Variants in TMEM123 observed in about 807,000 individuals in gnomAD.
The protein encoded by TMEM123 is porimin.
In TMEM123, 16 loss-of-function variants were observed where a neutral mutation model predicts 19.7. The ratio of observed to expected loss-of-function variants is 0.81; its 90% confidence interval spans 0.55 to 1.23. The LOEUF (loss-of-function observed/expected upper bound fraction) is 1.23. Among genes scored for constraint, TMEM123 ranks in the 50% most tolerant of loss-of-function variants. TMEM123 has a pLI of 0.00. For missense variants in TMEM123, 313 were observed against 257.8 expected, an observed-to-expected ratio of 1.21 and a Z score of -1.47; for synonymous variants, 118 against 99.4, an observed-to-expected ratio of 1.19 and a Z score of -1.12.
chr11:102,402,111 T>C lies in TMEM123; in HGVS notation c.253A>G (p.Thr85Ala), dbSNP rs757843169. ...GCTGTAGGTTTCATGGTGGTGACCG[T>C]TGTATTACTGGAGTCTGAGGCAACT... is the stretch of plus-strand genomic sequence containing the variant. ...TSVASDSSNTTVTTMKPTAAS... is the reference protein window; with the variant it reads ...TSVASDSSNTAVTTMKPTAAS... The change falls in exon 3 of 5, where the codon ACG becomes GCG. Residue 85 changes from threonine to alanine, a missense_variant. Coordinates refer to ENST00000398136, the MANE Select transcript of TMEM123 (RefSeq NM_052932.3). 19 of 1,614,052 alleles carry C rather than the reference T, an allele frequency of 1.2e-5. No homozygotes were observed. In the Admixed American group the frequency reaches 2.2e-4, roughly 18 times the overall value.
intron 2 of TMEM123, among the ~76,000 whole-genome samples, chr11:102,435,753 T>A (rs1213178611): frequency 6.6e-6 from 1 of 151,670 alleles, no homozygotes; most frequent in African/African-American, 2.4e-5. Flanking sequence ...TAAAAGAGAA[T>A]GAAGTATGGA....
intron 2 of TMEM123, among the ~76,000 whole-genome samples, chr11:102,425,309 T>C (rs1308870881): frequency 3.9e-5 from 6 of 152,216 alleles, no homozygotes; most frequent in Non-Finnish European, 5.9e-5. Flanking sequence ...GGCAACAGCA[T>C]CATGCTCAAC....
chr11:102,439,875 A>G (rs1337961714), intron 2 of TMEM123, among the ~76,000 whole-genome samples: 2 of 152,274 alleles, frequency 1.3e-5, no homozygotes, highest in Non-Finnish European at 2.9e-5. Context: ...GATGGAGCTG[A>G]AAACCATGGT....
intron 2 of TMEM123, among the ~76,000 whole-genome samples, chr11:102,415,228 C>A (rs1027128901): frequency 2.0e-5 from 3 of 152,176 alleles, no homozygotes; most frequent in African/African-American, 7.2e-5. Flanking sequence ...GATAACCACA[C>A]AATAGTGGCG....
chr11:102,432,890 C>CA (rs1274948993), intron 2 of TMEM123, among the ~76,000 whole-genome samples: 2 of 147,476 alleles, frequency 1.4e-5, no homozygotes, highest in Non-Finnish European at 3.1e-5. Context: ...TCAGAGGGTG[C>CA]AAGCCCCAGG....
At chr11:102,418,170 C>T (rs1185220638) in intron 2 of TMEM123, among the ~76,000 whole-genome samples, 2 of 151,654 alleles carry the variant, frequency 1.3e-5, no homozygotes, top group African/African-American at 4.8e-5. Flanking sequence ...GCAACTGCAA[C>T]AAAAGCTAAA....
chr11:102,397,138 C>T lies in TMEM123; in HGVS notation c.*1729G>A, dbSNP rs1951864223. On this transcript the variant is annotated 3_prime_UTR_variant, in exon 5 of 5. Coordinates refer to ENST00000398136, the MANE Select transcript of TMEM123 (RefSeq NM_052932.3). The stretch of plus-strand genomic sequence containing the variant: ...TATTTTTCAGAAAATTTCCTCCATA[C>T]TCCATGTATGTGTTACATACATCCA... 1.3e-5 allele frequency: 2 copies of T among 152,180 alleles called. No homozygotes were observed. Among genetic ancestry groups the T allele is most frequent in the Non-Finnish European group, 1.5e-5 (1 of 68,034 alleles). 9.4% of individuals were successfully genotyped at this position (152,180 alleles called of 1,614,324 possible).
chr11:102,409,366 CTCTT>C (rs1951982756), intron 2 of TMEM123, among the ~76,000 whole-genome samples: 1 of 152,128 alleles, frequency 6.6e-6, no homozygotes, highest in Admixed American at 6.5e-5. Context: ...CCTTGAGAAT[CTCTT>C]TCCTATAGAA....
At chr11:102,419,667 G>A (rs1363820169) in intron 2 of TMEM123, among the ~76,000 whole-genome samples, 2 of 152,192 alleles carry the variant, frequency 1.3e-5, no homozygotes, top group African/African-American at 4.8e-5. Context: ...GTCTCTATTA[G>A]AAGAATAATG....
intron 2 of TMEM123, among the ~76,000 whole-genome samples, chr11:102,424,579 A>G (rs1397394720): frequency 6.6e-6 from 1 of 151,936 alleles, no homozygotes; most frequent in Non-Finnish European, 1.5e-5. Context: ...GTCCCAGCTA[A>G]TTGGGATGCT....
Position 102,401,729 on chromosome 11 carries a change from ATT to A in TMEM123, c.449-39_449-38del, listed in dbSNP as rs139978855. ...GAAAACAAAAAAGGGCTTTAGCGTTATTTTTTTTTTTTTAACATTGTAATTAA... is the reference window on the plus strand; with the variant it reads ...GAAAACAAAAAAGGGCTTTAGCGTTATTTTTTTTTTTAACATTGTAATTAA... On this transcript the variant is annotated intron_variant, in intron 3 of 4. Transcript: ENST00000398136. 4,663 of 1,284,804 alleles carry A rather than the reference ATT, an allele frequency of 3.6e-3. 52 individuals are homozygous for A. In the African/African-American group the frequency reaches 0.043, roughly 12 times the overall value. 79.6% of individuals were successfully genotyped at this position (1,284,804 alleles called of 1,614,324 possible).
intron 2 of TMEM123, among the ~76,000 whole-genome samples, chr11:102,434,796 C>A (rs1857745905): frequency 1.3e-5 from 2 of 151,898 alleles, no homozygotes; most frequent in Admixed American, 1.3e-4. Context: ...CTATTTCATT[C>A]TTCTGCATGT....
rs1472952804 is a variant in TMEM123 at position 102,397,733 on chromosome 11, A to T, written c.*1134T>A. ...TTTAGTATAAAAATGTCATTTCCCCAAATCTGAGTAATATCGACAGTGCAT... is the reference window on the plus strand; with the variant it reads ...TTTAGTATAAAAATGTCATTTCCCCTAATCTGAGTAATATCGACAGTGCAT... On this transcript the variant is annotated 3_prime_UTR_variant, in exon 5 of 5. Coordinates refer to ENST00000398136, the MANE Select transcript of TMEM123 (RefSeq NM_052932.3). 2 of 152,216 alleles carry T rather than the reference A, an allele frequency of 1.3e-5. No individual in the cohort carries two copies. The highest frequency in any genetic ancestry group is 4.8e-5 in the African/African-American group (2 of 41,466). 9.4% of individuals were successfully genotyped at this position (152,216 alleles called of 1,614,324 possible).
intron 2 of TMEM123, among the ~76,000 whole-genome samples, chr11:102,412,840 C>T (rs569678094): frequency 6.6e-6 from 1 of 152,250 alleles, no homozygotes; most frequent in African/African-American, 2.4e-5. Context: ...CCAAGAAATT[C>T]ATAAGGAAAT....
At chr11:102,422,082 A>C (rs1952091702) in intron 2 of TMEM123, among the ~76,000 whole-genome samples, 1 of 152,214 alleles carries the variant, frequency 6.6e-6, no homozygotes, top group South Asian at 2.1e-4. Context: ...TTAACTGTAC[A>C]TATTGATTAG....
intron 3 of TMEM123, 24 bp downstream of exon 3, chr11:102,401,892 A>G: frequency 6.2e-7 from 1 of 1,601,116 alleles, no homozygotes; most frequent in Non-Finnish European, 8.5e-7. Flanking sequence ...GCATAGGAAA[A>G]AAAAGGTCAG....
intron 2 of TMEM123, among the ~76,000 whole-genome samples, chr11:102,403,352 A>C (rs1017377810): frequency 6.6e-6 from 1 of 152,224 alleles, no homozygotes; most frequent in Non-Finnish European, 1.5e-5. Context: ...GTTTTCATCC[A>C]GCAAAGGTTT....
chr11:102,434,314 G>A (rs1360569611), intron 2 of TMEM123, among the ~76,000 whole-genome samples: 1 of 151,710 alleles, frequency 6.6e-6, no homozygotes, highest in Non-Finnish European at 1.5e-5. Flanking sequence ...TTTCATTGTG[G>A]TTTTAATTTG....
At chr11:102,426,543 G>C (rs1952127373) in intron 2 of TMEM123, among the ~76,000 whole-genome samples, 1 of 151,298 alleles carries the variant, frequency 6.6e-6, no homozygotes, top group South Asian at 2.1e-4. Flanking sequence ...GAGCTAACTA[G>C]TAGACTTACA....
Sources: gnomAD v4.1 joint callset for allele counts (sites outside exome capture counted in the v4.1 genomes callset) on GRCh38, gnomAD v4.1.1 for gene constraint, MANE v1.5 for transcripts, NCBI Gene and HGNC (gene_info 2026-07-23, HGNC 2026-07-21) for gene names.